The following IGF2 variants were observed in gnomAD, a reference collection of about 807,000 sequenced individuals.
IGF2 encodes insulin like growth factor 2.
Under a neutral mutation model 12.0 loss-of-function variants are expected in IGF2, and 2 were observed. The observed-to-expected ratio is 0.17, with a 90% CI of 0.07 to 0.52. IGF2 has a LOEUF of 0.52. Ranked by LOEUF, IGF2 falls within the 20% of genes least tolerant of loss-of-function variation. The pLI, the probability that IGF2 is intolerant of heterozygous loss-of-function variation, is 0.95. For missense variants in IGF2, 211 were observed against 268.0 expected (o/e 0.79, Z 1.48); for synonymous variants, 105 against 110.1 (o/e 0.95, Z 0.29).
chr11:2,131,797 G>GC lies in IGF2; in HGVS notation c.*1189_*1190insG, dbSNP rs1858597712. 2.7e-5 allele frequency: 2 copies of GC among 75,296 alleles called. No individual in the cohort carries two copies. The highest frequency in any genetic ancestry group is 7.0e-5 in the African/African-American group (1 of 14,210). The allele number at this position is 75,296 out of a possible 1,614,324, so 4.7% of individuals were successfully genotyped here. On this transcript the variant is annotated 3_prime_UTR_variant, in exon 4 of 4. Coordinates refer to ENST00000416167, the MANE Select transcript of IGF2 (RefSeq NM_000612.6). ...TTGTGTGTGTGCTGTGTGCTAGTGTGTGTGCTGTGTGTGCATGTGTGTGCG... is the reference window on the plus strand; with the variant it reads ...TTGTGTGTGTGCTGTGTGCTAGTGTGCTGTGCTGTGTGTGCATGTGTGTGCG...
upstream of IGF2, among the ~76,000 whole-genome samples, chr11:2,144,375 G>T (rs1032834968): frequency 7.3e-6 from 1 of 137,150 alleles, no homozygotes. Context: ...TGGCTTGGGG[G>T]CCCGGAGCAC....
Position 2,138,679 on chromosome 11 carries a change from G to C in IGF2, c.-457C>G, listed in dbSNP as rs1471590991. On this transcript the variant is annotated 5_prime_UTR_variant, in exon 1 of 4. Coordinates refer to ENST00000416167, the MANE Select transcript of IGF2 (RefSeq NM_000612.6). Reference sequence around the variant, plus strand: ...GCGTGTAATTAATCCACTTTGGTTCGGCGAAGGCGAGAGGGCGGGCGTGAG... The same window carrying C: ...GCGTGTAATTAATCCACTTTGGTTCCGCGAAGGCGAGAGGGCGGGCGTGAG... 8.2e-6 allele frequency: 8 copies of C among 973,756 alleles called. No individual in the cohort carries two copies. Among genetic ancestry groups the C allele is most frequent in the Non-Finnish European group, 9.7e-6 (8 of 824,874 alleles). The allele number at this position is 973,756 out of a possible 1,614,324, so 60.3% of individuals were successfully genotyped here. A position where few individuals can be genotyped will look rare whatever the true frequency, so the allele number is the denominator to read the frequency against.
At position 2,135,638 on chromosome 11, in the gene IGF2, A is replaced by G. The variant is rs772990339; in HGVS notation, c.-6-109T>C. ...AACCTACAAATTCAGTTGAAAATTG[A>G]AAGCACGGCTTTCCTATAAACATTA... On this transcript the variant is annotated intron_variant, in intron 1 of 3. Coordinates refer to ENST00000416167, the MANE Select transcript of IGF2 (RefSeq NM_000612.6). 263 of 885,510 alleles carry G rather than the reference A, an allele frequency of 3.0e-4. No homozygotes were observed. In the Middle Eastern group the frequency reaches 3.4e-3, roughly 11 times the overall value. 54.9% of individuals were successfully genotyped at this position (885,510 alleles called of 1,614,324 possible).
rs1590127163 is a variant in IGF2 at position 2,139,006 on chromosome 11, C to G, written c.-784G>C. 1.1e-6 allele frequency: 1 copy of G among 945,806 alleles called. No individual in the cohort carries two copies. Among genetic ancestry groups the G allele is most frequent in the South Asian group, 5.1e-5 (1 of 19,630 alleles). 58.6% of individuals were successfully genotyped at this position (945,806 alleles called of 1,614,324 possible). A position where few individuals can be genotyped will look rare whatever the true frequency, so the allele number is the denominator to read the frequency against. On this transcript the variant is annotated 5_prime_UTR_variant, in exon 1 of 4. Transcript: ENST00000416167. Reference sequence around the variant, plus strand: ...GCACCGGGGCCGCTCCGGGACGCAGCGCGGAAAGGGGAGCGGCCCGAGGCT... The same window carrying G: ...GCACCGGGGCCGCTCCGGGACGCAGGGCGGAAAGGGGAGCGGCCCGAGGCT...
At chr11:2,139,944 C>A (rs2133612493), upstream of IGF2, among the ~76,000 whole-genome samples, 1 of 152,246 alleles carries the variant, frequency 6.6e-6, no homozygotes, top group African/African-American at 2.4e-5. Flanking sequence ...GCCGGCCACG[C>A]GGCGCTTGGA....
At chr11:2,134,599 GGTGA>G (rs1418093673) in intron 2 of IGF2, among the ~76,000 whole-genome samples, 2 of 152,216 alleles carry the variant, frequency 1.3e-5, no homozygotes, top group Non-Finnish European at 2.9e-5. Flanking sequence ...GATGTCACGT[GGTGA>G]GTGTCAGGTG....
At chr11:2,134,296 G>A (rs1027084150) in intron 2 of IGF2, 1 of 379,600 alleles carries the variant, frequency 2.6e-6, no homozygotes, top group African/African-American at 2.3e-5. Context: ...TCAGCCGGAG[G>A]AGGGAGCAGG....
At chr11:2,140,594 C>T, upstream of IGF2, 1 of 505,168 alleles carries the variant, frequency 2.0e-6, no homozygotes, top group South Asian at 1.8e-5. Context: ...CCCCTGCCCG[C>T]CCCACTTTGG....
At position 2,138,768 on chromosome 11, in the gene IGF2, G is replaced by T; in HGVS notation, c.-546C>A. On this transcript the variant is annotated 5_prime_UTR_variant, in exon 1 of 4. Coordinates refer to ENST00000416167, the MANE Select transcript of IGF2 (RefSeq NM_000612.6). ...GGAGGGAGCGAAGGGAAGGTTGCGG[G>T]AGAAAGAGCGGGGGCCGGGGCCAGA... 1 of 943,612 alleles carries T rather than the reference G, an allele frequency of 1.1e-6. No individual in the cohort carries two copies. Among genetic ancestry groups the T allele is most frequent in the Non-Finnish European group, 1.3e-6 (1 of 793,916 alleles). 58.5% of individuals were successfully genotyped at this position (943,612 alleles called of 1,614,324 possible).
At position 2,138,514 on chromosome 11, in the gene IGF2, A is replaced by G. The variant is rs1859269649; in HGVS notation, c.-292T>C. On this transcript the variant is annotated 5_prime_UTR_variant, in exon 1 of 4. Transcript: ENST00000416167. ...GGAAATGAGGTCAGCTGTTGTATCA[A>G]GGATAGAGGGGGGCAGAGATAGTGG... is the stretch of plus-strand genomic sequence containing the variant. The G allele has an allele frequency of 2.0e-5, 16 of 819,780 alleles. No individual in the cohort carries two copies. Among genetic ancestry groups the G allele is most frequent in the Non-Finnish European group, 2.3e-5 (16 of 705,808 alleles). 50.8% of individuals were successfully genotyped at this position (819,780 alleles called of 1,614,324 possible).
upstream of IGF2, among the ~76,000 whole-genome samples, chr11:2,145,708 G>A (rs1590139618): frequency 6.6e-6 from 1 of 152,162 alleles, no homozygotes; most frequent in African/African-American, 2.4e-5. Context: ...GGAGGGAGGA[G>A]CAGGTGGGGG....
At chr11:2,149,328 A>G in the IGF2 span, 4 of 1,612,048 alleles carry the variant, frequency 2.5e-6, no homozygotes, top group Non-Finnish European at 3.4e-6. Flanking sequence ...GTGGAGGAGG[A>G]GAGGGACAAA....
At chr11:2,149,099 A>C in the IGF2 span, 3 of 1,597,958 alleles carry the variant, frequency 1.9e-6, no homozygotes, top group Non-Finnish European at 2.6e-6. Context: ...CTTTTCTCTC[A>C]CACTCAAGGG....
intron 1 of IGF2, among the ~76,000 whole-genome samples, chr11:2,136,923 C>G (rs1859102175): frequency 1.3e-5 from 2 of 152,182 alleles, no homozygotes; most frequent in African/African-American, 2.4e-5. Flanking sequence ...TGCAGCGGTG[C>G]GGAGCAGGTG....
intron 2 of IGF2, among the ~76,000 whole-genome samples, chr11:2,134,943 T>G (rs912566268): frequency 6.6e-6 from 1 of 152,224 alleles, no homozygotes; most frequent in African/African-American, 2.4e-5. Context: ...ACTTTATTGA[T>G]TTTAATTCTG....
chr11:2,133,531 G>A lies in IGF2; in HGVS notation c.292C>T (p.Pro98Ser). 2 of 1,612,172 alleles carry A rather than the reference G, an allele frequency of 1.2e-6. No homozygotes were observed. Among genetic ancestry groups the A allele is most frequent in the Middle Eastern group, 1.7e-4 (1 of 6,052 alleles). ...AGGACCCTCACCGGAAGCACGGTCG[G>A]AGGGGTCGACACGTCCCTCTCGGAC... is the stretch of plus-strand genomic sequence containing the variant. ...AKSERDVSTP[P>S]TVLPDNFPRY... The change falls in exon 3 of 4, where the codon CCG becomes TCG. Residue 98 changes from proline to serine, a missense_variant. Physicochemically the swap from Pro to Ser is moderately conservative, Grantham distance 74 (BLOSUM62 -1). Around this residue, in one of 3 missense-constraint regions of IGF2, gnomAD observed 141 missense variants for 153.1 expected, o/e 0.92. Coordinates refer to ENST00000416167, the MANE Select transcript of IGF2 (RefSeq NM_000612.6). The surrounding 1 kb of genome is among the most constrained non-coding windows in gnomAD (Gnocchi z 8.9).
chr11:2,138,395 G>T lies in IGF2; in HGVS notation c.-173C>A, dbSNP rs1246616228. On this transcript the variant is annotated 5_prime_UTR_variant, in exon 1 of 4. Transcript: ENST00000416167. ...GGGGGGATGGCTTTTTTTTGGGGGG[G>T]GGGGGAGAATTCGTCTGATTGTCCA... The T allele has an allele frequency of 1.5e-5, 8 of 517,116 alleles. 1 individual carries two copies. The highest frequency in any genetic ancestry group is 6.4e-5 in the African/African-American group (3 of 47,244). The allele number at this position is 517,116 out of a possible 1,614,324, so 32.0% of individuals were successfully genotyped here. A position where few individuals can be genotyped will look rare whatever the true frequency, so the allele number is the denominator to read the frequency against.
At chr11:2,141,796 C>T (rs1013329920), upstream of IGF2, among the ~76,000 whole-genome samples, 5 of 151,512 alleles carry the variant, frequency 3.3e-5, no homozygotes, top group Non-Finnish European at 7.4e-5. Flanking sequence ...TTTGGGGGAG[C>T]CTGGAGTGTG....
chr11:2,135,481 A>C lies in IGF2; in HGVS notation c.43T>G (p.Phe15Val). Residue 15 changes from phenylalanine (F) to valine (V), a missense_variant, in exon 2 of 4, where the codon TTC becomes GTC. Phe to Val is a conservative substitution (Grantham distance 50). Around this residue, in one of 3 missense-constraint regions of IGF2, gnomAD observed 40 missense variants for 35.7 expected, o/e 1.12. Coordinates refer to ENST00000416167, the MANE Select transcript of IGF2 (RefSeq NM_000612.6). ...MGKSMLVLLTFLAFASCCIAA... is the reference protein window; with the variant it reads ...MGKSMLVLLTVLAFASCCIAA... ...ATGCAGCACGAGGCGAAGGCCAAGA[A>C]GGTGAGAAGCACCAGCATCGACTTC... is the stretch of plus-strand genomic sequence containing the variant. 1 of 1,613,780 alleles carries C rather than the reference A, an allele frequency of 6.2e-7. No homozygotes were observed. Among genetic ancestry groups the C allele is most frequent in the Non-Finnish European group, 8.5e-7 (1 of 1,179,944 alleles).
Sources: gnomAD v4.1 joint callset for allele counts (sites outside exome capture counted in the v4.1 genomes callset) on GRCh38, gnomAD v4.1.1 for gene constraint, gnomAD v4.1.1 regional missense constraint, Gnocchi (gnomAD v3.1) non-coding constraint, MANE v1.5 for transcripts, NCBI Gene and HGNC (gene_info 2026-07-23, HGNC 2026-07-21) for gene names.